The following DMD variants were observed in gnomAD, a reference collection of about 807,000 sequenced individuals.
DMD encodes the protein dystrophin.
Under a neutral mutation model 330.1 loss-of-function variants are expected in DMD, and 63 were observed. That is an observed-to-expected ratio of 0.19 (90% CI 0.16 to 0.24). The LOEUF is 0.24. DMD is among the 10% of genes least tolerant of loss of function. The probability of loss-of-function intolerance (pLI) is 1.00; values close to 1 mark genes in which losing one functional copy is unlikely to be tolerated. For synonymous variants in DMD, 1,223 were observed against 959.8 expected (o/e 1.27, Z -5.07); for missense variants, 3,344 against 2,684.1 (o/e 1.25, Z -5.43).
chrX:31,236,848 AAT>A (rs1173564825), intron 63 of DMD, among the ~76,000 whole-genome samples: 1 of 112,100 alleles, frequency 8.9e-6, no homozygotes, highest in African/African-American at 3.2e-5. Context: ...TATTTAAAAA[AAT>A]AGTTTTGGTA....
At chrX:31,809,040 A>G (rs1263992868) in intron 50 of DMD, among the ~76,000 whole-genome samples, 1 of 108,950 alleles carries the variant, frequency 9.2e-6, no homozygotes, top group African/African-American at 3.3e-5. Context: ...TGGGAAAATG[A>G]AGGGACATTG....
chrX:31,165,157 T>C (rs963216555), intron 74 of DMD, among the ~76,000 whole-genome samples: 11 of 112,169 alleles, frequency 9.8e-5, no homozygotes, highest in African/African-American at 2.9e-4. Context: ...AGCAACGGGA[T>C]CATGATTTCC....
chrX:31,647,728 G>A (rs1471889123), intron 54 of DMD, among the ~76,000 whole-genome samples: 1 of 112,314 alleles, frequency 8.9e-6, no homozygotes, highest in Non-Finnish European at 1.9e-5. Flanking sequence ...CTACAAAGGT[G>A]ATTGAATTTG....
At chrX:32,665,072 A>G (rs148826435) in intron 9 of DMD, among the ~76,000 whole-genome samples, 3,349 of 112,396 alleles carry the variant, frequency 0.03, 43 homozygotes, top group Middle Eastern at 0.084. Context: ...TAGGTAGTAC[A>G]TATAAGGAAT....
At chrX:31,657,539 C>T (rs1400207574) in intron 54 of DMD, among the ~76,000 whole-genome samples, 2 of 111,273 alleles carry the variant, frequency 1.8e-5, no homozygotes, top group African/African-American at 6.5e-5. Flanking sequence ...TCATATTGCC[C>T]TCCACAAATT....
chrX:33,103,068 G>T (rs2095254445), intron 1 of DMD, among the ~76,000 whole-genome samples: 1 of 111,545 alleles, frequency 9.0e-6, no homozygotes, highest in South Asian at 3.8e-4. Context: ...ATGGACACAG[G>T]AATGAGCCTA....
chrX:32,441,666 T>C (rs1212131439), intron 27 of DMD, among the ~76,000 whole-genome samples: 1 of 111,721 alleles, frequency 9.0e-6, no homozygotes, highest in East Asian at 2.8e-4. Flanking sequence ...CTGTTACCAG[T>C]ATTCTGTGAC....
intron 16 of DMD, among the ~76,000 whole-genome samples, chrX:32,559,411 T>A (rs1338167917): frequency 2.7e-5 from 3 of 112,040 alleles, no homozygotes; most frequent in East Asian, 2.8e-4. Flanking sequence ...TATTTTCTTT[T>A]TTAATTGGCA....
chrX:31,831,824 G>A (rs6653858), intron 49 of DMD, among the ~76,000 whole-genome samples: 33 of 111,502 alleles, frequency 3.0e-4, no homozygotes, highest in South Asian at 7.5e-4. Context: ...GGATGGTCTC[G>A]ATCTCCTGAC....
intron 7 of DMD, among the ~76,000 whole-genome samples, chrX:32,722,581 T>C (rs2066440380): frequency 9.0e-6 from 1 of 111,017 alleles, no homozygotes; most frequent in Non-Finnish European, 1.9e-5. Flanking sequence ...CTTCTTCCAG[T>C]CTACAAACAT....
At chrX:32,401,581 G>T (rs1260660816) in intron 30 of DMD, among the ~76,000 whole-genome samples, 1 of 111,627 alleles carries the variant, frequency 9.0e-6, no homozygotes, top group African/African-American at 3.3e-5. Flanking sequence ...GTAGTCAGGG[G>T]TTGGGGAGGA....
At chrX:32,419,309 G>C (rs2148009355) in intron 29 of DMD, among the ~76,000 whole-genome samples, 1 of 112,043 alleles carries the variant, frequency 8.9e-6, no homozygotes, top group Non-Finnish European at 1.9e-5. Flanking sequence ...GATTCACTTT[G>C]TTGCTTTCTT....
chrX:31,231,518 G>A (rs1392352214), intron 63 of DMD, among the ~76,000 whole-genome samples: 4 of 111,970 alleles, frequency 3.6e-5, no homozygotes, highest in African/African-American at 1.3e-4. Flanking sequence ...GGAATACACT[G>A]GTAACCAAAA....
At chrX:33,272,266 A>T (rs2053170243) in intron 1 of DMD, among the ~76,000 whole-genome samples, 1 of 112,295 alleles carries the variant, frequency 8.9e-6, no homozygotes, top group South Asian at 3.6e-4. Context: ...TTGTGTTCTA[A>T]ATTCAAAGAA....
chrX:32,561,257 C>T (rs754191681), intron 16 of DMD, among the ~76,000 whole-genome samples: 3 of 111,106 alleles, frequency 2.7e-5, no homozygotes, highest in Non-Finnish European at 3.8e-5. Flanking sequence ...CTAACAACCA[C>T]GATAAAACGT....
intron 1 of DMD, among the ~76,000 whole-genome samples, chrX:33,178,994 C>T (rs961738080): frequency 8.9e-6 from 1 of 111,777 alleles, no homozygotes; most frequent in Admixed American, 9.5e-5. Flanking sequence ...ATGCCTTTAG[C>T]CTTTAAATAA....
chrX:32,873,387 T>G (rs772090752), intron 2 of DMD, among the ~76,000 whole-genome samples: 1 of 110,041 alleles, frequency 9.1e-6, no homozygotes, highest in Admixed American at 9.9e-5. Context: ...CACTCAGGCC[T>G]GTTTCTCAGA....
intron 7 of DMD, among the ~76,000 whole-genome samples, chrX:32,747,172 G>A (rs1207751053): frequency 5.3e-5 from 6 of 112,344 alleles, no homozygotes; most frequent in Non-Finnish European, 1.1e-4. Context: ...ATTCTGATGT[G>A]CACTCAAGTT....
At chrX:31,885,377 G>A (rs2094136035) in intron 47 of DMD, among the ~76,000 whole-genome samples, 1 of 110,455 alleles carries the variant, frequency 9.1e-6, no homozygotes, top group Non-Finnish European at 1.9e-5. Context: ...TGGGGAGGCC[G>A]AGGCGGGCGG....
Sources: gnomAD v4.1 joint callset for allele counts (sites outside exome capture counted in the v4.1 genomes callset) on GRCh38, gnomAD v4.1.1 for gene constraint, MANE v1.5 for transcripts, NCBI Gene and HGNC (gene_info 2026-07-23, HGNC 2026-07-21) for gene names.